The following DAPK2 variants were observed in gnomAD, a reference collection of about 807,000 sequenced individuals.
The protein encoded by DAPK2 is death-associated protein kinase 2.
Under a neutral mutation model 44.1 loss-of-function variants are expected in DAPK2, and 35 were observed. The observed-to-expected ratio is 0.79, with a 90% CI of 0.61 to 1.05. DAPK2 has a LOEUF of 1.05. DAPK2 is among the 50% of genes least tolerant of loss of function. The pLI is 0.00. For missense variants in DAPK2, 453 were observed against 483.2 expected, an observed-to-expected ratio of 0.94 and a Z score of 0.59; for synonymous variants, 174 against 182.6, an observed-to-expected ratio of 0.95 and a Z score of 0.38.
At chr15:63,930,588 G>C in intron 4 of DAPK2, 133 bp from the exon 6 acceptor site, 1 of 797,374 alleles carries the variant, frequency 1.3e-6, no homozygotes, top group Non-Finnish European at 2.1e-6. Context: ...AGCAGATAAA[G>C]GTGATCTGCA....
chr15:64,018,467 C>T (rs746362210), intron 1 of DAPK2, among the ~76,000 whole-genome samples: 4 of 152,204 alleles, frequency 2.6e-5, no homozygotes, highest in Non-Finnish European at 5.9e-5. Context: ...CACCCACAGG[C>T]CTGGATGCCA....
chr15:64,040,677 G>A (rs534375754), upstream of DAPK2, among the ~76,000 whole-genome samples: 5 of 152,172 alleles, frequency 3.3e-5, no homozygotes, highest in African/African-American at 7.2e-5. Context: ...TTGGGAGGCC[G>A]AGGTGGGTGG....
chr15:64,024,910 C>G (rs1361858887), intron 1 of DAPK2, among the ~76,000 whole-genome samples: 1 of 152,146 alleles, frequency 6.6e-6, no homozygotes. Context: ...TTTCAGGATT[C>G]AAGATCAGGG....
intron 1 of DAPK2, among the ~76,000 whole-genome samples, chr15:63,991,867 TCCA>T (rs1369536864): frequency 1.1e-4 from 17 of 152,146 alleles, no homozygotes; most frequent in Non-Finnish European, 2.4e-4. Context: ...AGCCAGAGTC[TCCA>T]GGGAACTGAC....
intron 1 of DAPK2, among the ~76,000 whole-genome samples, chr15:64,008,718 G>A (rs1453712878): frequency 6.6e-6 from 1 of 152,198 alleles, no homozygotes; most frequent in African/African-American, 2.4e-5. Flanking sequence ...AGAGAACACA[G>A]ATGCAAAAGT....
chr15:63,990,515 T>C lies in DAPK2; in HGVS notation c.93-6761A>G, dbSNP rs1407926711. On this transcript the variant is annotated intron_variant, in intron 1 of 10. Transcript: ENST00000261891. This position sits in a 1 kb window ranked among gnomAD's most constrained non-coding sequence, Gnocchi z 4.3. ...TCTAAAGTGTCCAAAGATTGAGTGA[T>C]GTACCCCTAAGTCACCAGTCTATCA... is the stretch of plus-strand genomic sequence containing the variant. 3.9e-5 allele frequency among the ~76,000 whole-genome samples: 6 copies of C among 152,100 alleles called. No individual in the cohort carries two copies. Among genetic ancestry groups the C allele is most frequent in the African/African-American group, 1.4e-4 (6 of 41,418 alleles).
intron 3 of DAPK2, among the ~76,000 whole-genome samples, chr15:63,969,416 TC>T (rs2078145534): frequency 1.3e-5 from 2 of 149,616 alleles, no homozygotes; most frequent in Non-Finnish European, 1.5e-5. Flanking sequence ...TGAGACCCTG[TC>T]CCCCCCAAAA....
chr15:63,937,089 G>A (rs975387310), intron 4 of DAPK2, among the ~76,000 whole-genome samples: 1 of 152,054 alleles, frequency 6.6e-6, no homozygotes. Flanking sequence ...TGGGTCTGAG[G>A]TTAGAATATC....
chr15:63,978,207 C>T (rs932368587), intron 2 of DAPK2, among the ~76,000 whole-genome samples: 1 of 152,210 alleles, frequency 6.6e-6, no homozygotes, highest in Non-Finnish European at 1.5e-5. Context: ...CTGTCCAGAG[C>T]TCTCTGCAAA....
At chr15:64,034,650 CTGTT>C (rs1470149940) in intron 1 of DAPK2, among the ~76,000 whole-genome samples, 1 of 51,308 alleles carries the variant, frequency 1.9e-5, no homozygotes, top group East Asian at 1.1e-3. Context: ...AAGTTCTTAT[CTGTT>C]TGTTCGTTTG....
intron 8 of DAPK2, among the ~76,000 whole-genome samples, chr15:63,915,744 C>T (rs1004851499): frequency 4.6e-5 from 7 of 152,200 alleles, no homozygotes; most frequent in African/African-American, 7.2e-5. Flanking sequence ...CACAACACCA[C>T]CAACCCTGAG....
At position 63,986,122 on chromosome 15, in the gene DAPK2, C is replaced by T. The variant is rs2078661898; in HGVS notation, c.93-2368G>A. ...GGGAGCCAAGGCTGCTGGCTGGTGT[C>T]CCCCACTCCTTGGGCTGTTTCCAGA... On this transcript the variant is annotated intron_variant, in intron 1 of 10. Coordinates refer to ENST00000261891, the Ensembl canonical transcript of DAPK2. Among the ~76,000 whole-genome samples the T allele has an allele frequency of 2.0e-5, 3 of 152,360 alleles. No individual in the cohort carries two copies. In the South Asian group the frequency reaches 6.2e-4, roughly 32 times the overall value.
chr15:63,926,116 C>A (rs1160985103), intron 6 of DAPK2, 23 bp from the exon 8 acceptor site: 1 of 1,580,324 alleles, frequency 6.3e-7, no homozygotes, highest in South Asian at 1.2e-5. Flanking sequence ...GACAGGGAAT[C>A]AAATAACTAA....
intron 3 of DAPK2, among the ~76,000 whole-genome samples, chr15:63,945,188 G>T (rs2077416979): frequency 6.6e-6 from 1 of 152,056 alleles, no homozygotes; most frequent in African/African-American, 2.4e-5. Context: ...ACTTCTCCCT[G>T]AGCTTCCCCC....
In DAPK2 at chr15:63,917,804, G is replaced by A. The variant is rs1410396056; in HGVS notation, c.859-5607C>T. On this transcript the variant is annotated intron_variant, in intron 8 of 10. Coordinates refer to ENST00000261891, the Ensembl canonical transcript of DAPK2. The surrounding 1 kb of genome is among the most constrained non-coding windows in gnomAD (Gnocchi z 4.4). ...CTGGTGGGGACGGCGTCCCTGGGAA[G>A]GCCTCTCTTCTCTGCAACCCTCTTA... 1 of 152,146 alleles carries A rather than the reference G, an allele frequency of 6.6e-6. No individual in the cohort carries two copies. The highest frequency in any genetic ancestry group is 2.4e-5 in the African/African-American group (1 of 41,408). 9.4% of individuals were successfully genotyped at this position (152,146 alleles called of 1,614,324 possible).
rs770946548 is a variant in DAPK2 at position 63,983,738 on chromosome 15, C to T, written c.109G>A (p.Val37Met). 5.6e-5 allele frequency: 91 copies of T among 1,611,596 alleles called. No homozygotes were observed. Among genetic ancestry groups the T allele is most frequent in the African/African-American group, 2.7e-5 (2 of 74,924 alleles). The change falls in exon 2 of 11, where the codon GTG becomes ATG. Residue 37 changes from valine (V) to methionine (M), a missense_variant. Physicochemically the swap from Val to Met is conservative, Grantham distance 21 (BLOSUM62 1). Transcript: ENST00000261891. ...GTGCTCTTCTCCCGGCACTTCTTCA[C>T]GATGGCAAACTGGCCACTGTGGGGA... is the stretch of plus-strand genomic sequence containing the variant.
rs1334749701 is a variant in DAPK2, at chr15:63,924,844, T to G, written c.830A>C (p.Gln277Pro). 3 of 1,614,204 alleles carry G rather than the reference T, an allele frequency of 1.9e-6. No homozygotes were observed. In the East Asian group the frequency reaches 6.7e-5, roughly 36 times the overall value. The change falls in exon 8 of 11, where the codon CAA becomes CCA. Residue 277 changes from glutamine (Q) to proline (P), a missense_variant. Transcript: ENST00000261891. ...GATCCAGGGGTGTCTGAGAGCCTCT[T>G]GGATTGTGAGCCGTTTCCTGCAATG...
intron 2 of DAPK2, among the ~76,000 whole-genome samples, chr15:63,981,387 C>T (rs1205979530): frequency 6.6e-6 from 1 of 152,074 alleles, no homozygotes; most frequent in Admixed American, 6.5e-5. Flanking sequence ...ATAAATTAAC[C>T]AGTTTCAGAT....
chr15:63,913,303 A>G (rs2078843853), intron 8 of DAPK2, among the ~76,000 whole-genome samples: 2 of 152,220 alleles, frequency 1.3e-5, no homozygotes, highest in Admixed American at 1.3e-4. Context: ...CCTTGTGAGT[A>G]TACTAAAAAC....
Sources: allele counts gnomAD v4.1 joint callset (sites outside exome capture counted in the v4.1 genomes callset), GRCh38; gene constraint gnomAD v4.1.1; non-coding constraint Gnocchi (gnomAD v3.1); transcripts MANE v1.5; gene names NCBI Gene and HGNC (gene_info 2026-07-23, HGNC 2026-07-21).